Variants in ART3 observed in about 807,000 individuals in gnomAD.
The protein encoded by ART3 is ecto-ADP-ribosyltransferase 3.
A neutral mutation model predicts 48.5 loss-of-function variants in ART3; 49 were observed. The observed-to-expected ratio is 1.01, with a 90% CI of 0.80 to 1.28. ART3 has a LOEUF of 1.28. Ranked by LOEUF, ART3 falls within the 50% of genes most tolerant of loss-of-function variation. The pLI is 0.00. For synonymous variants in ART3, 145 were observed against 157.2 expected (o/e 0.92, Z 0.58); for missense variants, 438 against 454.3 (o/e 0.96, Z 0.33).
intron 3 of ART3, among the ~76,000 whole-genome samples, chr4:76,083,310 A>G (rs1023037938): frequency 1.3e-5 from 2 of 152,168 alleles, no homozygotes; most frequent in African/African-American, 4.8e-5. Flanking sequence ...GCTTACTGTC[A>G]TGTTTCCAAG....
chr4:76,080,946 C>G (rs1386078984), intron 2 of ART3, among the ~76,000 whole-genome samples: 1 of 152,216 alleles, frequency 6.6e-6, no homozygotes, highest in South Asian at 2.1e-4. Context: ...CATTACACCA[C>G]CCTGCTTCTT....
chr4:76,105,877 C>G lies in ART3; in HGVS notation c.1003+1248C>G, dbSNP rs577175819. The G allele has an allele frequency of 1.2e-4, 117 of 985,396 alleles. No individual in the cohort carries two copies. In the African/African-American group the frequency reaches 2.0e-3, roughly 16 times the overall value. 61.0% of individuals were successfully genotyped at this position (985,396 alleles called of 1,614,324 possible). ...GAATCTGTAGACATAGAAATAGCATCATCCAAGAACTGTGAATGAGGACTG... is the reference window on the plus strand; with the variant it reads ...GAATCTGTAGACATAGAAATAGCATGATCCAAGAACTGTGAATGAGGACTG... On this transcript the variant is annotated intron_variant, in intron 10 of 11. Coordinates refer to ENST00000355810, the MANE Select transcript of ART3 (RefSeq NM_001130016.3).
intron 1 of ART3, among the ~76,000 whole-genome samples, chr4:76,052,188 C>T (rs1736174740): frequency 6.6e-6 from 1 of 152,088 alleles, no homozygotes; most frequent in Admixed American, 6.5e-5. Flanking sequence ...TGAGACCTGC[C>T]TGGTCAATAT....
intron 2 of ART3, among the ~76,000 whole-genome samples, chr4:76,077,702 C>T (rs1265595778): frequency 6.6e-6 from 1 of 152,076 alleles, no homozygotes; most frequent in Non-Finnish European, 1.5e-5. Flanking sequence ...TGTTTCACTT[C>T]TCTTGGGTGT....
intron 1 of ART3, chr4:76,035,920 TGCATACCTTGAACAACTGTA>T (rs1560586757): frequency 6.2e-7 from 1 of 1,611,878 alleles, no homozygotes; most frequent in Admixed American, 1.7e-5. Context: ...TAAAAATTAC[TGCATACCTTGAACAACTGTA>T]GCACACAATA....
At chr4:76,021,777 A>T in intron 1 of ART3, 1 of 745,594 alleles carries the variant, frequency 1.3e-6, no homozygotes, top group Non-Finnish European at 2.4e-6. Flanking sequence ...GTAGCAGCTG[A>T]TTTGGTGACC....
chr4:76,083,554 G>A (rs766229397), intron 3 of ART3, among the ~76,000 whole-genome samples: 6 of 152,176 alleles, frequency 3.9e-5, no homozygotes, highest in Non-Finnish European at 5.9e-5. Context: ...TGTCACTCAT[G>A]CTCTTTCTTT....
intron 3 of ART3, among the ~76,000 whole-genome samples, chr4:76,089,694 C>A (rs993253746): frequency 2.7e-5 from 4 of 150,470 alleles, no homozygotes; most frequent in African/African-American, 9.9e-5. Flanking sequence ...CATGATATAA[C>A]CTGTAGCTTT....
intron 10 of ART3, among the ~76,000 whole-genome samples, chr4:76,106,838 G>A (rs985907567): frequency 2.0e-5 from 3 of 152,132 alleles, no homozygotes; most frequent in African/African-American, 7.2e-5. Context: ...AAATGCATGA[G>A]GCTAGAAAGG....
At chr4:76,015,617 A>G (rs1223976180) in intron 1 of ART3, among the ~76,000 whole-genome samples, 2 of 152,206 alleles carry the variant, frequency 1.3e-5, no homozygotes, top group Non-Finnish European at 2.9e-5. Context: ...TAATGAGCTT[A>G]TATGTATAAA....
At chr4:76,022,483 T>G (rs1732943014) in intron 1 of ART3, 1 of 1,597,240 alleles carries the variant, frequency 6.3e-7, no homozygotes, top group Non-Finnish European at 8.6e-7. Context: ...GATGAAAATA[T>G]TTAAAACTGT....
chr4:76,083,158 A>G (rs935539239), intron 3 of ART3, among the ~76,000 whole-genome samples: 2 of 152,110 alleles, frequency 1.3e-5, no homozygotes, highest in African/African-American at 4.8e-5. Flanking sequence ...TAATCACACC[A>G]CTGCACTGCA....
At chr4:76,112,345 T>G in intron 11 of ART3, 41 bp from the exon 12 acceptor site, 2 of 1,574,508 alleles carry the variant, frequency 1.3e-6, no homozygotes, top group East Asian at 4.6e-5. Context: ...ATACTTGACA[T>G]AAAAAATGAT....
chr4:76,020,738 C>T (rs1276650047), intron 1 of ART3, among the ~76,000 whole-genome samples: 1 of 152,080 alleles, frequency 6.6e-6, no homozygotes, highest in South Asian at 2.1e-4. Flanking sequence ...CCTGTAATCC[C>T]AGCTTCTCTG....
intron 1 of ART3, among the ~76,000 whole-genome samples, chr4:76,032,830 C>G (rs1217865644): frequency 6.6e-6 from 1 of 151,960 alleles, no homozygotes; most frequent in South Asian, 2.1e-4. Context: ...AGGTGATCCG[C>G]CCGCTTCGGC....
intron 5 of ART3, among the ~76,000 whole-genome samples, chr4:76,100,019 A>G (rs1214020451): frequency 6.6e-6 from 1 of 152,196 alleles, no homozygotes; most frequent in Non-Finnish European, 1.5e-5. Context: ...TGACTCTTCA[A>G]CAAAGACATT....
chr4:76,039,481 T>C (rs1433184723), intron 1 of ART3, among the ~76,000 whole-genome samples: 1 of 152,210 alleles, frequency 6.6e-6, no homozygotes, highest in African/African-American at 2.4e-5. Context: ...TTTTCAGCTG[T>C]TTTTCAGCAT....
chr4:76,050,656 G>A (rs923094999), intron 1 of ART3, among the ~76,000 whole-genome samples: 29 of 151,932 alleles, frequency 1.9e-4, no homozygotes, highest in Middle Eastern at 3.4e-3. Flanking sequence ...CTGTGTGCCC[G>A]CACTCCTCAG....
At chr4:76,040,257 G>A (rs1478380621) in intron 1 of ART3, among the ~76,000 whole-genome samples, 2 of 152,086 alleles carry the variant, frequency 1.3e-5, no homozygotes, top group African/African-American at 2.4e-5. Context: ...CCCAGAAGGC[G>A]GAAGTTGCAG....
Sources: allele counts gnomAD v4.1 joint callset (sites outside exome capture counted in the v4.1 genomes callset), GRCh38; gene constraint gnomAD v4.1.1; transcripts MANE v1.5; gene names NCBI Gene and HGNC (gene_info 2026-07-23, HGNC 2026-07-21).